Variants in RPH3AL observed in about 807,000 individuals in gnomAD.
RPH3AL encodes the protein rabphilin 3A like (without C2 domains).
A neutral mutation model predicts 43.1 loss-of-function variants in RPH3AL; 38 were observed. The observed-to-expected ratio is 0.88, with a 90% confidence interval of 0.68 to 1.15. The LOEUF (loss-of-function observed/expected upper bound fraction) is 1.15, where lower values mean the gene tolerates loss of function less well. RPH3AL is among the 50% of genes most tolerant of loss of function. RPH3AL has a pLI of 0.00. For missense variants in RPH3AL, 462 were observed against 423.2 expected, an observed-to-expected ratio of 1.09 and a Z score of -0.81; for synonymous variants, 189 against 176.3, an observed-to-expected ratio of 1.07 and a Z score of -0.57.
Position 246,788 on chromosome 17 carries a change from T to G in RPH3AL, c.613+323A>C, listed in dbSNP as rs1256511254. Reference sequence around the variant, plus strand: ...GATGTAGGTTTTATACTTTGCAAAATACCTTAATTGACGTCCCATTTCTGT... The same window carrying G: ...GATGTAGGTTTTATACTTTGCAAAAGACCTTAATTGACGTCCCATTTCTGT... On this transcript the variant is annotated intron_variant, in intron 7 of 9. Transcript: ENST00000331302. This position sits in a 1 kb window ranked among gnomAD's most constrained non-coding sequence, Gnocchi z 4.8. Among the ~76,000 whole-genome samples, 2 of 152,144 alleles carry G rather than the reference T, an allele frequency of 1.3e-5. No individual in the cohort carries two copies. Among genetic ancestry groups the G allele is most frequent in the Non-Finnish European group, 2.9e-5 (2 of 68,026 alleles).
chr17:325,205 C>A (rs951768990), intron 3 of RPH3AL, among the ~76,000 whole-genome samples: 1 of 152,186 alleles, frequency 6.6e-6, no homozygotes, highest in African/African-American at 2.4e-5. Context: ...CACCTGGAGG[C>A]TTTTCCTTGA....
At chr17:248,727 C>T (rs1395191524) in intron 6 of RPH3AL, among the ~76,000 whole-genome samples, 1 of 152,248 alleles carries the variant, frequency 6.6e-6, no homozygotes, top group African/African-American at 2.4e-5. Context: ...GAATCAATGG[C>T]AGCTTCCACA....
intron 5 of RPH3AL, among the ~76,000 whole-genome samples, chr17:318,316 G>A (rs551939154): frequency 6.0e-4 from 92 of 152,264 alleles, no homozygotes; most frequent in Non-Finnish European, 3.7e-4. Context: ...TGGAGGCAGA[G>A]GTTGCAGTGA....
chr17:337,890 C>T (rs563299787), intron 1 of RPH3AL, among the ~76,000 whole-genome samples: 1 of 152,346 alleles, frequency 6.6e-6, no homozygotes, highest in South Asian at 2.1e-4. Flanking sequence ...TAATGACTGG[C>T]AACTCCCGCT....
intron 2 of RPH3AL, chr17:331,332 C>G (rs901762024): frequency 9.5e-5 from 4 of 42,020 alleles, no homozygotes; most frequent in Non-Finnish European, 2.1e-4. Flanking sequence ...GGAAGGATGT[C>G]GCCTCCAGAG....
intron 5 of RPH3AL, among the ~76,000 whole-genome samples, chr17:305,616 G>T (rs568237613): frequency 6.6e-6 from 1 of 152,256 alleles, no homozygotes; most frequent in East Asian, 1.9e-4. Flanking sequence ...GGAGATACTA[G>T]GTCACAGGAA....
At chr17:286,042 G>A (rs375597758) in intron 5 of RPH3AL, among the ~76,000 whole-genome samples, 1 of 152,180 alleles carries the variant, frequency 6.6e-6, no homozygotes, top group Non-Finnish European at 1.5e-5. Context: ...ATGTCCCCCC[G>A]CCACTGCTGG....
intron 7 of RPH3AL, among the ~76,000 whole-genome samples, chr17:239,114 C>CAAGG (rs556386839): frequency 1.1e-3 from 168 of 152,270 alleles, no homozygotes; most frequent in African/African-American, 3.9e-3. Flanking sequence ...TGGGACCCAC[C>CAAGG]AAGGGGTCTG....
Position 283,086 on chromosome 17 carries a change from C to T in RPH3AL, c.352-1232G>A, listed in dbSNP as rs2042819944. Among the ~76,000 whole-genome samples the T allele has an allele frequency of 6.6e-6, 1 of 152,198 alleles. No homozygotes were observed. Among genetic ancestry groups the T allele is most frequent in the Admixed American group, 6.5e-5 (1 of 15,278 alleles). On this transcript the variant is annotated intron_variant, in intron 5 of 9. Coordinates refer to ENST00000331302, the MANE Select transcript of RPH3AL (RefSeq NM_006987.4). The surrounding 1 kb of genome is among the most constrained non-coding windows in gnomAD (Gnocchi z 4.2). ...CTGATTCAGCGATCGCTGGCGACTC[C>T]TCAGGACTGTTGCCCCAGCTCATCC...
chr17:281,770 C>G lies in RPH3AL; in HGVS notation c.436G>C (p.Glu146Gln). 6.2e-7 allele frequency: 1 copy of G among 1,613,436 alleles called. No homozygotes were observed. Among genetic ancestry groups the G allele is most frequent in the Non-Finnish European group, 8.5e-7 (1 of 1,179,722 alleles). The change falls in exon 6 of 10, where the codon GAG (glutamate) becomes CAG (glutamine). Residue 146 changes from glutamate (E) to glutamine (Q), a missense_variant and splice_region_variant. Glu to Gln is a conservative substitution (Grantham distance 29, BLOSUM62 2). Coordinates refer to ENST00000331302, the MANE Select transcript of RPH3AL (RefSeq NM_006987.4). ...CACCGTCACCCTGGACGCCCTACCT[C>G]TCTTTGCTCACTGCAGATCTTACAC... The part of the protein sequence containing the change: ...WLCKICSEQR[E>Q]VWKRSGAWFY...
chr17:237,876 G>GT (rs2041436866), intron 7 of RPH3AL, among the ~76,000 whole-genome samples: 1 of 152,218 alleles, frequency 6.6e-6, no homozygotes, highest in South Asian at 2.1e-4. Flanking sequence ...GGCCGGGTGC[G>GT]GTGGCTCATG....
chr17:272,208 G>C (rs1379915743), intron 6 of RPH3AL, among the ~76,000 whole-genome samples: 1 of 152,072 alleles, frequency 6.6e-6, no homozygotes, highest in Non-Finnish European at 1.5e-5. Flanking sequence ...GATTCCTCAG[G>C]GATCTAGAAC....
chr17:316,778 G>T (rs1269253325), intron 5 of RPH3AL, among the ~76,000 whole-genome samples: 2 of 66,048 alleles, frequency 3.0e-5, no homozygotes, highest in African/African-American at 1.5e-4. Flanking sequence ...AAGTCCCTGT[G>T]CCCCCACCTC....
intron 8 of RPH3AL, among the ~76,000 whole-genome samples, chr17:218,984 G>A (rs924479149): frequency 1.3e-5 from 2 of 152,076 alleles, no homozygotes; most frequent in Non-Finnish European, 2.9e-5. Flanking sequence ...TCCCAGGTAT[G>A]CAGGCCAAGG....
chr17:233,691 T>C (rs2041283726), intron 7 of RPH3AL, among the ~76,000 whole-genome samples: 1 of 152,220 alleles, frequency 6.6e-6, no homozygotes, highest in Non-Finnish European at 1.5e-5. Flanking sequence ...TTGGTCTGTC[T>C]TCTTTCTTTT....
At chr17:277,951 T>C (rs1002683012) in intron 6 of RPH3AL, among the ~76,000 whole-genome samples, 1 of 151,318 alleles carries the variant, frequency 6.6e-6, no homozygotes, top group Non-Finnish European at 1.5e-5. Context: ...TGAGATCCTG[T>C]CTCAAAAAAA....
At chr17:331,674 A>C in intron 2 of RPH3AL, 1 of 1,288,004 alleles carries the variant, frequency 7.8e-7, no homozygotes, top group South Asian at 1.2e-5. Flanking sequence ...GGCAGCAAGG[A>C]GGGCCTCATC....
intron 6 of RPH3AL, among the ~76,000 whole-genome samples, chr17:253,398 G>A (rs782012809): frequency 6.6e-5 from 10 of 152,164 alleles, no homozygotes; most frequent in Non-Finnish European, 1.0e-4. Context: ...CTGTGGGGCC[G>A]AGAACCTCAT....
At chr17:230,542 G>A (rs2041207533) in intron 7 of RPH3AL, among the ~76,000 whole-genome samples, 1 of 152,186 alleles carries the variant, frequency 6.6e-6, no homozygotes, top group African/African-American at 2.4e-5. Flanking sequence ...GAAAAGCAAA[G>A]GCCAGGCAGT....
Sources: allele counts gnomAD v4.1 joint callset (sites outside exome capture counted in the v4.1 genomes callset), GRCh38; gene constraint gnomAD v4.1.1; non-coding constraint Gnocchi (gnomAD v3.1); transcripts MANE v1.5; gene names NCBI Gene and HGNC (gene_info 2026-07-23, HGNC 2026-07-21).